The following MLLT10 variants were observed in gnomAD, a reference collection of about 807,000 sequenced individuals.
MLLT10 encodes the protein protein AF-10.
In MLLT10, 30 loss-of-function variants were observed where a neutral mutation model predicts 129.1. The ratio of observed to expected loss-of-function variants is 0.23; its 90% CI spans 0.17 to 0.32. MLLT10 has a LOEUF of 0.32. MLLT10 is among the 10% of genes least tolerant of loss of function. The pLI is 1.00. For missense variants in MLLT10, 1,119 were observed against 1,268.3 expected (o/e 0.88, Z 1.79); for synonymous variants, 490 against 446.4 (o/e 1.10, Z -1.23).
At chr10:21,533,953 T>C (rs914516454), upstream of MLLT10, among the ~76,000 whole-genome samples, 6 of 151,920 alleles carry the variant, frequency 3.9e-5, no homozygotes, top group Admixed American at 1.3e-4. Context: ...CCCAGGCCTC[T>C]TCCCGACGCT....
intron 12 of MLLT10, 66 bp from the exon 13 acceptor site, chr10:21,682,159 C>T: frequency 7.7e-7 from 1 of 1,297,820 alleles, no homozygotes; most frequent in South Asian, 1.3e-5. Flanking sequence ...CAGTGTATGG[C>T]TATGTATTTC....
At position 21,682,259 on chromosome 10, in the gene MLLT10, T is replaced by C. The variant is rs1178021959; in HGVS notation, c.1699+2T>C. 1 of 1,609,440 alleles carries C rather than the reference T, an allele frequency of 6.2e-7. No individual in the cohort carries two copies. Among genetic ancestry groups the C allele is most frequent in the Middle Eastern group, 1.7e-4 (1 of 6,054 alleles). The stretch of plus-strand genomic sequence containing the variant: ...AGTTGCTGAATGCAATACACAACGG[T>C]AAGTTTTATTAGAATCTTCTCTAGT... On this transcript the variant is annotated splice_donor_variant, in intron 13 of 22. Coordinates refer to ENST00000307729, the MANE Select transcript of MLLT10 (RefSeq NM_001195626.3). LOFTEE classifies it high-confidence loss of function.
chr10:21,734,774 ATTCT>A (rs370696235), intron 20 of MLLT10, among the ~76,000 whole-genome samples: 53 of 152,250 alleles, frequency 3.5e-4, no homozygotes, highest in African/African-American at 1.3e-3. Flanking sequence ...GTATGTTTGG[ATTCT>A]TTGTTTCAAA....
intron 9 of MLLT10, among the ~76,000 whole-genome samples, chr10:21,653,280 G>A (rs1056002161): frequency 6.6e-6 from 1 of 152,178 alleles, no homozygotes; most frequent in Non-Finnish European, 1.5e-5. Context: ...TTGGCAGAAT[G>A]AATCTGCTTA....
At chr10:21,705,136 C>A (rs376218485) in intron 13 of MLLT10, among the ~76,000 whole-genome samples, 1 of 152,038 alleles carries the variant, frequency 6.6e-6, no homozygotes, top group Non-Finnish European at 1.5e-5. Flanking sequence ...TGTGCGAAGA[C>A]GGTGGCAGTG....
At chr10:21,726,734 G>C (rs1278784389) in intron 15 of MLLT10, among the ~76,000 whole-genome samples, 1 of 128,222 alleles carries the variant, frequency 7.8e-6, no homozygotes, top group East Asian at 2.4e-4. Flanking sequence ...TGTTTCAACA[G>C]AGCCATCAGC....
intron 3 of MLLT10, among the ~76,000 whole-genome samples, chr10:21,560,531 G>C (rs1222942625): frequency 6.6e-6 from 1 of 151,948 alleles, no homozygotes; most frequent in African/African-American, 2.4e-5. Flanking sequence ...CAACCTCCTG[G>C]GATCAGGCAG....
Position 21,636,596 on chromosome 10 carries a change from C to T in MLLT10, c.700-15077C>T, listed in dbSNP as rs540443368. On this transcript the variant is annotated intron_variant, in intron 8 of 22. Transcript: ENST00000307729. ...TTTCTTTTCTTTTTTTTTTTTGAGA[C>T]GGAGTTTCACTCTTGTTGCCCAAGC... is the stretch of plus-strand genomic sequence containing the variant. Among the ~76,000 whole-genome samples, 16 of 147,442 alleles carry T rather than the reference C, an allele frequency of 1.1e-4. No homozygotes were observed. In the South Asian group the frequency reaches 1.9e-3, roughly 18 times the overall value.
intron 13 of MLLT10, among the ~76,000 whole-genome samples, chr10:21,696,401 T>A (rs2054366503): frequency 6.6e-6 from 1 of 152,150 alleles, no homozygotes; most frequent in African/African-American, 2.4e-5. Flanking sequence ...TTTTAGGTTG[T>A]CTGATCTGCC....
chr10:21,618,783 A>G (rs958629676), intron 8 of MLLT10, among the ~76,000 whole-genome samples: 3 of 151,770 alleles, frequency 2.0e-5, no homozygotes, highest in African/African-American at 4.8e-5. Context: ...CCCAGGCTAG[A>G]GTGCAGTGGC....
intron 8 of MLLT10, among the ~76,000 whole-genome samples, chr10:21,633,072 G>GA (rs1391722265): frequency 6.6e-6 from 1 of 152,136 alleles, no homozygotes; most frequent in Non-Finnish European, 1.5e-5. Flanking sequence ...CTCATATTTA[G>GA]AAACCATGTA....
chr10:21,734,290 TTAAG>T (rs933668539), intron 20 of MLLT10, among the ~76,000 whole-genome samples, 161 bp downstream of exon 20: 18 of 152,326 alleles, frequency 1.2e-4, no homozygotes, highest in African/African-American at 4.1e-4. Context: ...TTTTTGAAAC[TTAAG>T]TAATTTAGAT....
At chr10:21,718,752 C>T (rs2056926453) in intron 14 of MLLT10, among the ~76,000 whole-genome samples, 1 of 152,176 alleles carries the variant, frequency 6.6e-6, no homozygotes, top group South Asian at 2.1e-4. Context: ...GACGGAGTCT[C>T]ACTCTGTTGC....
At chr10:21,702,155 G>A (rs1414206078) in intron 13 of MLLT10, among the ~76,000 whole-genome samples, 1 of 148,042 alleles carries the variant, frequency 6.8e-6, no homozygotes, top group Non-Finnish European at 1.5e-5. Flanking sequence ...TCAATCTCTT[G>A]ACCTTGTGAT....
intron 9 of MLLT10, among the ~76,000 whole-genome samples, chr10:21,658,212 A>G (rs937076133): frequency 6.6e-6 from 1 of 152,246 alleles, no homozygotes; most frequent in African/African-American, 2.4e-5. Context: ...TAGTGAAACT[A>G]CCACCACAAT....
chr10:21,640,504 G>A (rs115027006), intron 8 of MLLT10, among the ~76,000 whole-genome samples: 2,901 of 151,834 alleles, frequency 0.019, 88 homozygotes, highest in African/African-American at 0.066. Flanking sequence ...TGTAACCAGA[G>A]TATCAGTAAT....
At chr10:21,535,375 G>A (rs1487704044) in intron 2 of MLLT10, among the ~76,000 whole-genome samples, 1 of 152,044 alleles carries the variant, frequency 6.6e-6, no homozygotes, top group East Asian at 1.9e-4. Flanking sequence ...CAGAAGGCTC[G>A]GGCCCTGCCG....
chr10:21,691,519 A>G (rs373488006), intron 13 of MLLT10, among the ~76,000 whole-genome samples: 4 of 152,164 alleles, frequency 2.6e-5, no homozygotes, highest in African/African-American at 9.7e-5. Flanking sequence ...TTTTATTTCA[A>G]AGGTGTATCT....
At chr10:21,594,051 T>C (rs1170687661) in intron 4 of MLLT10, among the ~76,000 whole-genome samples, 3 of 151,774 alleles carry the variant, frequency 2.0e-5, no homozygotes, top group Non-Finnish European at 4.4e-5. Context: ...GGGTTGTAAT[T>C]TAGGATTACC....
Sources: gnomAD v4.1 joint callset for allele counts (sites outside exome capture counted in the v4.1 genomes callset) on GRCh38, gnomAD v4.1.1 for gene constraint, MANE v1.5 for transcripts, NCBI Gene and HGNC (gene_info 2026-07-23, HGNC 2026-07-21) for gene names.